Variants in CNTN6 observed in about 807,000 individuals in gnomAD.
The protein encoded by CNTN6 is contactin 6.
In CNTN6, 137 loss-of-function variants were observed where a neutral mutation model predicts 122.8. That is an observed-to-expected ratio of 1.12 (90% CI 0.97 to 1.29). CNTN6 has a LOEUF of 1.29. Ranked by LOEUF, CNTN6 falls within the 50% of genes most tolerant of loss-of-function variation. The probability of loss-of-function intolerance (pLI) is 0.00; values close to 1 mark genes in which losing one functional copy is unlikely to be tolerated. For synonymous variants in CNTN6, 570 were observed against 426.0 expected, an observed-to-expected ratio of 1.34 and a Z score of -4.16; for missense variants, 1,634 against 1,223.4, an observed-to-expected ratio of 1.34 and a Z score of -5.01.
chr3:1,248,649 G>C (rs966874074), intron 4 of CNTN6, among the ~76,000 whole-genome samples: 5 of 152,014 alleles, frequency 3.3e-5, no homozygotes, highest in African/African-American at 1.2e-4. Context: ...GTGAAACTCT[G>C]TCTCCACTAA....
intron 1 of CNTN6, among the ~76,000 whole-genome samples, chr3:1,120,090 T>C (rs1395457960): frequency 6.6e-6 from 1 of 152,066 alleles, no homozygotes; most frequent in Non-Finnish European, 1.5e-5. Flanking sequence ...TAGTATTCCA[T>C]ATGCCACAAT....
intron 1 of CNTN6, among the ~76,000 whole-genome samples, chr3:1,129,693 A>T (rs1333228966): frequency 6.6e-6 from 1 of 152,100 alleles, no homozygotes; most frequent in African/African-American, 2.4e-5. Flanking sequence ...TTCCAGTGTC[A>T]ATGTTGGTAT....
chr3:1,295,783 C>T lies in CNTN6; in HGVS notation c.637C>T (p.Pro213Ser), dbSNP rs1162523433. 1.2e-6 allele frequency: 2 copies of T among 1,613,860 alleles called. No homozygotes were observed. The highest frequency in any genetic ancestry group is 8.5e-7 in the Non-Finnish European group (1 of 1,179,768). The change falls in exon 6 of 23, where the codon CCA becomes TCA. Residue 213 changes from proline (P) to serine (S), a missense_variant. Physicochemically the swap from Pro to Ser is moderately conservative, Grantham distance 74 (BLOSUM62 -1). Coordinates refer to ENST00000446702, the MANE Select transcript of CNTN6 (RefSeq NM_001289080.2). ...GAGAAGTGTTCAAGGTCCACCCACT[C>T]CATTAGTGCAGCGCACTGATGGTAA... ...AQRSVQGPPT[P>S]LVQRTDGVMG...
chr3:1,345,489 C>CA (rs1704552004), intron 11 of CNTN6, among the ~76,000 whole-genome samples: 1 of 152,186 alleles, frequency 6.6e-6, no homozygotes, highest in African/African-American at 2.4e-5. Flanking sequence ...TTTAAATGAG[C>CA]AAACTTTGTA....
chr3:1,383,209 ACT>A (rs1559983119), intron 18 of CNTN6, 33 bp downstream of exon 18: 2 of 1,596,448 alleles, frequency 1.3e-6, no homozygotes, highest in Non-Finnish European at 1.7e-6. Flanking sequence ...TTTCTTTGAG[ACT>A]CTATGCATAG....
chr3:1,201,429 A>G (rs2093871113), intron 2 of CNTN6, among the ~76,000 whole-genome samples: 1 of 151,978 alleles, frequency 6.6e-6, no homozygotes, highest in African/African-American at 2.4e-5. Flanking sequence ...TGAGATTTGA[A>G]TCAGATAATA....
intron 6 of CNTN6, 23 bp downstream of exon 6, chr3:1,295,827 G>A: frequency 6.3e-7 from 1 of 1,597,426 alleles, no homozygotes; most frequent in African/African-American, 1.3e-5. Context: ...GTTATCTTGG[G>A]AATGTACTTT....
At chr3:1,104,573 CG>C (rs2091125827) in intron 1 of CNTN6, among the ~76,000 whole-genome samples, 1 of 151,942 alleles carries the variant, frequency 6.6e-6, no homozygotes, top group South Asian at 2.1e-4. Flanking sequence ...TAAATTAGTA[CG>C]TATATAACAA....
chr3:1,321,623 C>A, intron 7 of CNTN6, 27 bp from the exon 8 acceptor site: 1 of 1,490,018 alleles, frequency 6.7e-7, no homozygotes, highest in Non-Finnish European at 9.1e-7. Flanking sequence ...AAACCGTCTT[C>A]TATTCTAATG....
At chr3:1,115,268 G>C (rs2125037040) in intron 1 of CNTN6, among the ~76,000 whole-genome samples, 1 of 152,258 alleles carries the variant, frequency 6.6e-6, no homozygotes, top group South Asian at 2.1e-4. Flanking sequence ...AAGCCACAAT[G>C]ATGAGCACAG....
rs562912841 is a variant in CNTN6, at chr3:1,301,024, C to CTTTTTTTTTT, written c.761+3054_761+3063dup. 6.5e-4 allele frequency among the ~76,000 whole-genome samples: 61 copies of CTTTTTTTTTT among 93,270 alleles called. 4 individuals carry two copies. The highest frequency in any genetic ancestry group is 1.9e-3 in the African/African-American group (43 of 23,108). The allele number at this position is 93,270 out of a possible 152,430, so 61.2% of individuals were successfully genotyped here. ...AATTTATAATACAGGAGTCCCTAAACTTTTTTTTTTTTTTTTTTTTTTTTT... is the reference window on the plus strand; with the variant it reads ...AATTTATAATACAGGAGTCCCTAAACTTTTTTTTTTTTTTTTTTTTTTTTTTTTTTTTTTT... On this transcript the variant is annotated intron_variant, in intron 7 of 22. Coordinates refer to ENST00000446702, the MANE Select transcript of CNTN6 (RefSeq NM_001289080.2).
chr3:1,098,756 GCACACACACACA>G (rs57847953), intron 1 of CNTN6, among the ~76,000 whole-genome samples: 3 of 89,106 alleles, frequency 3.4e-5, no homozygotes, highest in Middle Eastern at 7.0e-3. Flanking sequence ...TGGCAGTAAT[GCACACACACACA>G]CACACACACA....
Position 1,276,291 on chromosome 3 carries a change from C to G in CNTN6, c.359-2122C>G, listed in dbSNP as rs17037054. Among the ~76,000 whole-genome samples, 718 of 152,132 alleles carry G rather than the reference C, an allele frequency of 4.7e-3. 5 individuals are homozygous for G. The highest frequency in any genetic ancestry group is 0.017 in the African/African-American group (691 of 41,496). On this transcript the variant is annotated intron_variant, in intron 4 of 22. Transcript: ENST00000446702. ...CTTCCACAGTAGGATAATGGTGTAT[C>G]AATATTTAGTGACTTTTTAAAGAAC... is the stretch of plus-strand genomic sequence containing the variant.
intron 2 of CNTN6, among the ~76,000 whole-genome samples, chr3:1,205,407 G>C (rs1385210787): frequency 6.6e-6 from 1 of 152,194 alleles, no homozygotes; most frequent in African/African-American, 2.4e-5. Context: ...TTCTCATGCA[G>C]ATCTTCCTCA....
chr3:1,287,352 TCCAGATATTG>T (rs1451913633), intron 5 of CNTN6, among the ~76,000 whole-genome samples: 14 of 152,142 alleles, frequency 9.2e-5, no homozygotes, highest in Admixed American at 9.2e-4. Context: ...AAAATTTGTC[TCCAGATATTG>T]CCAGATAACT....
intron 11 of CNTN6, among the ~76,000 whole-genome samples, chr3:1,340,248 C>T (rs1315734494): frequency 2.6e-5 from 4 of 152,014 alleles, no homozygotes; most frequent in Admixed American, 6.6e-5. Flanking sequence ...TCAAGGCAGT[C>T]CTTCATAATA....
chr3:1,321,660 G>A lies in CNTN6; in HGVS notation c.772G>A (p.Asp258Asn), dbSNP rs144649526. The A allele has an allele frequency of 3.7e-6, 6 of 1,610,678 alleles. 1 individual carries two copies. Among genetic ancestry groups the A allele is most frequent in the Middle Eastern group, 3.3e-4 (2 of 6,054 alleles). ...GGTGTAACTGTTTAGTCCAGTCCCC[G>A]ATATTAGTTGGAGAAGGTTGGACGG... ...ECFALGNPVP[D>N]ISWRRLDGSP... is the part of the protein sequence containing the mutation. Residue 258 changes from aspartate to asparagine, a missense_variant, in exon 8 of 23, where the codon GAT becomes AAT. By Grantham distance (23) the Asp-to-Asn change is conservative. Transcript: ENST00000446702.
intron 1 of CNTN6, among the ~76,000 whole-genome samples, chr3:1,132,578 A>G (rs2092364812): frequency 6.6e-6 from 1 of 151,762 alleles, no homozygotes; most frequent in Non-Finnish European, 1.5e-5. Flanking sequence ...GATCATTTGA[A>G]CCCAGGGGTT....
At chr3:1,246,230 G>T (rs2125642467) in intron 4 of CNTN6, among the ~76,000 whole-genome samples, 1 of 152,066 alleles carries the variant, frequency 6.6e-6, no homozygotes, top group East Asian at 1.9e-4. Flanking sequence ...TCAAAGATGA[G>T]CCATATCTTG....
Sources: gnomAD v4.1 joint callset for allele counts (sites outside exome capture counted in the v4.1 genomes callset) on GRCh38, gnomAD v4.1.1 for gene constraint, MANE v1.5 for transcripts, NCBI Gene and HGNC (gene_info 2026-07-23, HGNC 2026-07-21) for gene names.